EIPR1: variants seen among roughly 807,000 people sequenced by gnomAD.
EIPR1 encodes EARP and GARP complex-interacting protein 1.
EIPR1 carries 25 observed loss-of-function variants against 48.1 expected under a neutral mutation model. That is an observed-to-expected ratio of 0.52 (90% CI 0.38 to 0.73). EIPR1 has a LOEUF of 0.73. Ranked by LOEUF, EIPR1 falls within the 30% of genes least tolerant of loss-of-function variation. EIPR1 has a pLI of 0.00. For missense variants in EIPR1, 415 were observed against 506.2 expected (o/e 0.82, Z 1.73); for synonymous variants, 204 against 201.9 (o/e 1.01, Z -0.09).
At chr2:3,278,507 A>C (rs990324361) in intron 3 of EIPR1, among the ~76,000 whole-genome samples, 3 of 152,084 alleles carry the variant, frequency 2.0e-5, no homozygotes, top group Admixed American at 2.0e-4. Flanking sequence ...TGTCCTCCCC[A>C]GTCCCCACAG....
chr2:3,315,166 TCACCACCCCCTACCACCAC>T (rs1464612666), intron 3 of EIPR1, among the ~76,000 whole-genome samples: 5 of 112 alleles, frequency 0.045, no homozygotes, highest in African/African-American at 0.077. Context: ...CCTACCATCA[TCACCACCCCCTACCACCAC>T]CATCACCACC....
Position 3,196,941 on chromosome 2 carries a change from C to T in EIPR1, c.593G>A (p.Cys198Tyr). Reference sequence around the variant, plus strand: ...GTCGTTCGCTGTGGCCACCTGGGTGCAGTTATGATGTGGGCTCCACCGTCC... The same window carrying T: ...GTCGTTCGCTGTGGCCACCTGGGTGTAGTTATGATGTGGGCTCCACCGTCC... ...TSGRWSPHHN[C>Y]TQVATANDTT... Residue 198 changes from cysteine (C) to tyrosine (Y), a missense_variant, in exon 6 of 9, where the codon TGC (cysteine) becomes TAC (tyrosine). Cys to Tyr is a radical substitution (Grantham distance 194). Transcript: ENST00000382125. 1 of 1,613,934 alleles carries T rather than the reference C, an allele frequency of 6.2e-7. No homozygotes were observed. Among genetic ancestry groups the T allele is most frequent in the Non-Finnish European group, 8.5e-7 (1 of 1,180,036 alleles).
intron 1 of EIPR1, among the ~76,000 whole-genome samples, chr2:3,364,477 A>C (rs1670927996): frequency 1.3e-5 from 2 of 151,194 alleles, no homozygotes; most frequent in Non-Finnish European, 3.0e-5. Context: ...AAAAAATACA[A>C]AAAAAAAATT....
chr2:3,313,668 C>T (rs1312722255), intron 3 of EIPR1, among the ~76,000 whole-genome samples: 1 of 152,176 alleles, frequency 6.6e-6, no homozygotes, highest in African/African-American at 2.4e-5. Flanking sequence ...TCCCCACTGT[C>T]AGGAGCATAG....
chr2:3,357,135 T>G (rs1315075395), intron 1 of EIPR1, among the ~76,000 whole-genome samples: 2 of 152,222 alleles, frequency 1.3e-5, no homozygotes, highest in East Asian at 3.9e-4. Flanking sequence ...ATGGGAAACC[T>G]CCAGCAGGTA....
chr2:3,370,292 A>C (rs1249422252), intron 1 of EIPR1, among the ~76,000 whole-genome samples: 2 of 152,326 alleles, frequency 1.3e-5, no homozygotes, highest in Admixed American at 6.5e-5. Context: ...TGGGGAAAAA[A>C]CAGAGCAGAA....
intron 2 of EIPR1, among the ~76,000 whole-genome samples, chr2:3,349,414 A>C (rs887959680): frequency 2.6e-5 from 4 of 152,194 alleles, no homozygotes; most frequent in African/African-American, 9.7e-5. Context: ...GGACTGCTTT[A>C]CTGATCACGG....
chr2:3,304,142 G>A (rs958921452), intron 3 of EIPR1, among the ~76,000 whole-genome samples: 2 of 152,184 alleles, frequency 1.3e-5, no homozygotes, highest in Non-Finnish European at 2.9e-5. Context: ...GACAGGCAGC[G>A]GTGAAGCCAC....
At chr2:3,215,096 C>T (rs1370386300) in intron 4 of EIPR1, among the ~76,000 whole-genome samples, 3 of 152,218 alleles carry the variant, frequency 2.0e-5, no homozygotes, top group Non-Finnish European at 4.4e-5. Flanking sequence ...GTTGACGCCG[C>T]CCAGCGTGTG....
intron 3 of EIPR1, among the ~76,000 whole-genome samples, chr2:3,266,469 C>T (rs1410062724): frequency 6.6e-6 from 1 of 152,218 alleles, no homozygotes; most frequent in African/African-American, 2.4e-5. Flanking sequence ...TTAGGGATGG[C>T]ACCATGTACA....
intron 3 of EIPR1, among the ~76,000 whole-genome samples, chr2:3,293,515 A>G (rs1668434829): frequency 6.6e-6 from 1 of 152,196 alleles, no homozygotes; most frequent in Non-Finnish European, 1.5e-5. Flanking sequence ...TTAGGCTGCA[A>G]AACAGCACAC....
intron 3 of EIPR1, among the ~76,000 whole-genome samples, chr2:3,321,702 G>A (rs1669535618): frequency 6.6e-6 from 1 of 152,158 alleles, no homozygotes; most frequent in African/African-American, 2.4e-5. Context: ...TTGTTAATCT[G>A]TAGAGGAGGA....
intron 1 of EIPR1, among the ~76,000 whole-genome samples, chr2:3,375,142 A>T (rs1377038145): frequency 6.6e-6 from 1 of 150,740 alleles, no homozygotes; most frequent in African/African-American, 2.4e-5. Flanking sequence ...AAAAAACCAA[A>T]CACTGCATGT....
intron 5 of EIPR1, among the ~76,000 whole-genome samples, chr2:3,205,015 C>G (rs1665181006): frequency 6.6e-6 from 1 of 152,242 alleles, no homozygotes; most frequent in African/African-American, 2.4e-5. Context: ...GGAGGACCAG[C>G]AGAGGGAAGC....
chr2:3,287,637 C>T (rs114918912), intron 3 of EIPR1, among the ~76,000 whole-genome samples: 4,585 of 151,524 alleles, frequency 0.03, 71 homozygotes, highest in Middle Eastern at 0.097. Flanking sequence ...GTTCGTTCAC[C>T]ACGCTCCGGA....
intron 4 of EIPR1, among the ~76,000 whole-genome samples, chr2:3,243,627 A>G (rs1666705355): frequency 6.6e-6 from 1 of 152,190 alleles, no homozygotes; most frequent in African/African-American, 2.4e-5. Context: ...GTAAGACTCC[A>G]TCTCAAAAAA....
intron 5 of EIPR1, among the ~76,000 whole-genome samples, chr2:3,205,170 C>T (rs1369020875): frequency 6.6e-6 from 1 of 152,182 alleles, no homozygotes; most frequent in African/African-American, 2.4e-5. Context: ...GCGGGAGGGG[C>T]TGGCTTACAA....
chr2:3,339,725 G>C (rs975271147), intron 2 of EIPR1, among the ~76,000 whole-genome samples: 3 of 152,188 alleles, frequency 2.0e-5, no homozygotes, highest in Non-Finnish European at 2.9e-5. Flanking sequence ...GAGGCGGGCG[G>C]ATCACCTGAG....
chr2:3,201,860 T>A (rs913013367), intron 5 of EIPR1, among the ~76,000 whole-genome samples: 3 of 152,192 alleles, frequency 2.0e-5, no homozygotes, highest in African/African-American at 7.2e-5. Context: ...AAACACAGGG[T>A]GAGCTAATTT....
Sources: allele counts gnomAD v4.1 joint callset (sites outside exome capture counted in the v4.1 genomes callset), GRCh38; gene constraint gnomAD v4.1.1; transcripts MANE v1.5; gene names NCBI Gene and HGNC (gene_info 2026-07-23, HGNC 2026-07-21).